Variants in PRR5 observed in about 807,000 individuals in gnomAD.
PRR5 encodes the protein proline-rich protein 5.
A neutral mutation model predicts 30.6 loss-of-function variants in PRR5; 25 were observed. That is an observed-to-expected ratio of 0.82 (90% CI 0.60 to 1.14). The LOEUF (loss-of-function observed/expected upper bound fraction) is 1.14, where lower values mean the gene tolerates loss of function less well. PRR5 is among the 50% of genes most tolerant of loss of function. The pLI, the probability that PRR5 is intolerant of heterozygous loss-of-function variation, is 0.00. For missense variants in PRR5, 600 were observed against 547.1 expected, an observed-to-expected ratio of 1.10 and a Z score of -0.96; for synonymous variants, 286 against 247.1, an observed-to-expected ratio of 1.16 and a Z score of -1.48.
At chr22:44,731,617 G>A in intron 4 of PRR5, 113 bp from the exon 5 acceptor site, 1 of 1,035,268 alleles carries the variant, frequency 9.7e-7, no homozygotes, top group South Asian at 1.3e-5. Flanking sequence ...GGTGCTGCCA[G>A]GGGCCTGAGC....
At chr22:44,731,454 C>G in intron 4 of PRR5, 1 of 529,660 alleles carries the variant, frequency 1.9e-6, no homozygotes, top group Non-Finnish European at 3.4e-6. Flanking sequence ...GACCCTGAGC[C>G]AAGTTCCCTG....
At position 44,702,547 on chromosome 22, in the gene PRR5, G is replaced by A. The variant is rs1926493310; in HGVS notation, c.73G>A (p.Ala25Thr). ...TGACCTGGGCAAGAGAGAGCCGGCC[G>A]CCGCCGCGGACGAGCGGGGCACGCA... ...LSDLGKREPA[A>T]AADERGTQQR... The change falls in exon 1 of 8, where the codon GCC (alanine) becomes ACC (threonine). Residue 25 changes from alanine (A) to threonine (T), a missense_variant. By Grantham distance (58) the Ala-to-Thr change is moderately conservative. Coordinates refer to ENST00000336985, the MANE Select transcript of PRR5 (RefSeq NM_181333.4). The A allele has an allele frequency of 2.1e-6, 3 of 1,447,130 alleles. No homozygotes were observed. The highest frequency in any genetic ancestry group is 2.2e-4 in the Middle Eastern group (1 of 4,478). 89.6% of individuals were successfully genotyped at this position (1,447,130 alleles called of 1,614,324 possible). A position where few individuals can be genotyped will look rare whatever the true frequency, so the allele number is the denominator to read the frequency against.
chr22:44,721,310 C>T (rs1929901689), intron 2 of PRR5, among the ~76,000 whole-genome samples: 1 of 152,134 alleles, frequency 6.6e-6, no homozygotes, highest in African/African-American at 2.4e-5. Flanking sequence ...CTAGAGGTTT[C>T]CCATTACTTG....
intron 4 of PRR5, among the ~76,000 whole-genome samples, chr22:44,729,100 G>C (rs909154461): frequency 1.3e-4 from 20 of 152,312 alleles, no homozygotes; most frequent in African/African-American, 4.1e-4. Context: ...CCTGGGATCT[G>C]CCGTCGCTCA....
upstream of PRR5, among the ~76,000 whole-genome samples, chr22:44,699,146 A>C (rs1926030921): frequency 2.0e-5 from 3 of 151,930 alleles, no homozygotes. Context: ...AGCCATCCCC[A>C]CCTCCGGAAT....
At chr22:44,709,313 C>T (rs978767273) in intron 1 of PRR5, among the ~76,000 whole-genome samples, 2 of 152,130 alleles carry the variant, frequency 1.3e-5, no homozygotes, top group Non-Finnish European at 2.9e-5. Flanking sequence ...TTGAAAAGGA[C>T]TTTGTAATCA....
At chr22:44,670,283 C>T (rs1288805308) in intron 1 of PRR5, among the ~76,000 whole-genome samples, 1 of 152,216 alleles carries the variant, frequency 6.6e-6, no homozygotes, top group African/African-American at 2.4e-5. Context: ...TATGGCCTCC[C>T]CAGGGACCTT....
rs180713636 is a variant in PRR5, at chr22:44,728,479, C to T, written c.322+1845C>T. 3.9e-5 allele frequency among the ~76,000 whole-genome samples: 6 copies of T among 152,322 alleles called. No individual in the cohort carries two copies. In the East Asian group the frequency reaches 7.7e-4, roughly 20 times the overall value. ...GACACAGACACGGACCCGAGGGTGACAGTTGAGTGTGATTAATGTCATTGT... is the reference window on the plus strand; with the variant it reads ...GACACAGACACGGACCCGAGGGTGATAGTTGAGTGTGATTAATGTCATTGT... On this transcript the variant is annotated intron_variant, in intron 4 of 7. Transcript: ENST00000336985.
chr22:44,693,761 C>T (rs964980951), intron 1 of PRR5, among the ~76,000 whole-genome samples: 5 of 148,306 alleles, frequency 3.4e-5, no homozygotes, highest in African/African-American at 1.3e-4. Flanking sequence ...CTACAAGTAG[C>T]TGGGACTACA....
At chr22:44,726,151 C>T (rs1449778057) in intron 3 of PRR5, among the ~76,000 whole-genome samples, 4 of 152,204 alleles carry the variant, frequency 2.6e-5, no homozygotes, top group East Asian at 3.9e-4. Context: ...GACCACACAG[C>T]GTGGTTCTTG....
At chr22:44,678,881 G>A (rs895552947) in intron 1 of PRR5, among the ~76,000 whole-genome samples, 1 of 152,238 alleles carries the variant, frequency 6.6e-6, no homozygotes, top group Non-Finnish European at 1.5e-5. Context: ...GACCCCAGCA[G>A]CATTCGATGA....
intron 1 of PRR5, among the ~76,000 whole-genome samples, chr22:44,712,610 A>G (rs1352625511): frequency 6.6e-6 from 1 of 152,146 alleles, no homozygotes; most frequent in African/African-American, 2.4e-5. Context: ...TGGTTTTCTC[A>G]TCTGCAAAAT....
chr22:44,715,909 A>G (rs753314129), intron 2 of PRR5, among the ~76,000 whole-genome samples: 1 of 152,182 alleles, frequency 6.6e-6, no homozygotes, highest in Non-Finnish European at 1.5e-5. Flanking sequence ...CCAGCCTCTC[A>G]AAGTGTTAGA....
At chr22:44,715,403 CAGG>C (rs1156592947) in intron 2 of PRR5, among the ~76,000 whole-genome samples, 1 of 152,216 alleles carries the variant, frequency 6.6e-6, no homozygotes, top group African/African-American at 2.4e-5. Flanking sequence ...CCTTGTTATT[CAGG>C]AGAAGAGTCA....
chr22:44,730,052 C>T, intron 4 of PRR5: 1 of 985,444 alleles, frequency 1.0e-6, no homozygotes, highest in Non-Finnish European at 1.2e-6. Context: ...GGCCACTGGG[C>T]TGGGAGCCAA....
chr22:44,729,494 C>A (rs1921518775), intron 4 of PRR5: 3 of 985,456 alleles, frequency 3.0e-6, no homozygotes, highest in Non-Finnish European at 3.6e-6. Context: ...ACACACCCGG[C>A]CCCGTCCTGC....
At chr22:44,710,108 G>A (rs139623620) in intron 1 of PRR5, among the ~76,000 whole-genome samples, 1 of 152,278 alleles carries the variant, frequency 6.6e-6, no homozygotes, top group Non-Finnish European at 1.5e-5. Flanking sequence ...GCCAAAGGGA[G>A]GCCATGGGTG....
Position 44,736,887 on chromosome 22 carries a change from G to C in PRR5, c.807G>C (p.Glu269Asp), listed in dbSNP as rs776625029. The C allele has an allele frequency of 3.1e-6, 5 of 1,609,364 alleles. No individual in the cohort carries two copies. In the Admixed American group the frequency reaches 5.0e-5, roughly 16 times the overall value. ...ACCCCGTGCAGGAGCACGAGGCGGA[G>C]GGCGCGGCGGCCGGCGGTACCAGCA... is the stretch of plus-strand genomic sequence containing the variant. Reference protein sequence around the residue: ...LLNPVQEHEAEGAAAGGTSIR... With the variant: ...LLNPVQEHEADGAAAGGTSIR... The change falls in exon 8 of 8, where the codon GAG becomes GAC. Residue 269 changes from glutamate to aspartate, a missense_variant. Transcript: ENST00000336985.
At chr22:44,732,101 A>G (rs886150719) in intron 5 of PRR5, 150 bp from the exon 6 acceptor site, 23 of 1,293,460 alleles carry the variant, frequency 1.8e-5, no homozygotes, top group Admixed American at 9.1e-5. Context: ...GGGGCCCTCT[A>G]TCCTTGGGAC....
Sources: allele counts gnomAD v4.1 joint callset (sites outside exome capture counted in the v4.1 genomes callset), GRCh38; gene constraint gnomAD v4.1.1; transcripts MANE v1.5; gene names NCBI Gene and HGNC (gene_info 2026-07-23, HGNC 2026-07-21).